The following GRID2IP variants were observed in gnomAD, a reference collection of about 807,000 sequenced individuals.
The protein encoded by GRID2IP is delphilin.
In GRID2IP, 78 loss-of-function variants were observed where a neutral mutation model predicts 114.3. That is an observed-to-expected ratio of 0.68 (90% CI 0.57 to 0.82). The LOEUF (loss-of-function observed/expected upper bound fraction) is 0.82. Among genes scored for constraint, GRID2IP ranks in the 40% least tolerant of loss-of-function variants. The pLI, the probability that GRID2IP is intolerant of heterozygous loss-of-function variation, is 0.00. For missense variants in GRID2IP, 1,727 were observed against 1,678.5 expected (o/e 1.03, Z -0.51); for synonymous variants, 809 against 724.0 (o/e 1.12, Z -1.89).
At chr7:6,542,415 A>G (rs1458075188) in intron 1 of GRID2IP, among the ~76,000 whole-genome samples, 1 of 151,604 alleles carries the variant, frequency 6.6e-6, no homozygotes, top group Non-Finnish European at 1.5e-5. Context: ...GTGCTTAGGG[A>G]GATCGAGGCA....
chr7:6,501,340 G>A (rs1321471152), intron 20 of GRID2IP, among the ~76,000 whole-genome samples: 1 of 151,922 alleles, frequency 6.6e-6, no homozygotes, highest in East Asian at 1.9e-4. Context: ...AACAGAGCAA[G>A]GCTCTGTCTC....
chr7:6,510,292 C>T lies in GRID2IP; in HGVS notation c.1762G>A (p.Val588Ile). 6.5e-7 allele frequency: 1 copy of T among 1,542,708 alleles called. No individual in the cohort carries two copies. Among genetic ancestry groups the T allele is most frequent in the Non-Finnish European group, 8.8e-7 (1 of 1,142,748 alleles). ...RASPPGPSPA[V>I]TTGPRTLSGV... ...GAGGCTGGAGCCCTACCTGTGGTGA[C>T]TGCTGGGCTGGGGCCTGGAGGGGAA... Residue 588 changes from valine to isoleucine, a missense_variant, in exon 11 of 22, where the codon GTC becomes ATC. Physicochemically the swap from Val to Ile is conservative, Grantham distance 29. Transcript: ENST00000457091.
chr7:6,503,497 G>A lies in GRID2IP; in HGVS notation c.2901C>T (p.Val967=). The part of the protein sequence containing the change: ...PGRLSEPDQF[V]LQMLSVPEYK... ...GGGGTTGTGGTCGCGGCACCTGCAG[G>A]ACGAACTGGTCCGGCTCGCTGAGGC... Residue 967 remains valine, a synonymous_variant, in exon 16 of 22, where the codon GTC becomes GTT. Coordinates refer to ENST00000457091, the MANE Select transcript of GRID2IP (RefSeq NM_001145118.2). The A allele has an allele frequency of 6.6e-7, 1 of 1,524,450 alleles. No homozygotes were observed. 94.4% of individuals were successfully genotyped at this position (1,524,450 alleles called of 1,614,324 possible). A position where few individuals can be genotyped will look rare whatever the true frequency, so the allele number is the denominator to read the frequency against.
rs761082978 is a variant in GRID2IP, at chr7:6,509,055, C to G, written c.2030G>C (p.Arg677Pro). The stretch of plus-strand genomic sequence containing the variant: ...CACGTCCAGGAAGCGGTCAGTATCG[C>G]GGCTTCGCACAGGGTGGGAGAAGGT... ...LFTFSHPVRS[R>P]DTDRFLDVLS... The change falls in exon 12 of 22, where the codon CGC (arginine) becomes CCC (proline). Residue 677 changes from arginine to proline, a missense_variant. Transcript: ENST00000457091. This position sits in a 1 kb window ranked among gnomAD's most constrained non-coding sequence, Gnocchi z 4.9. The G allele has an allele frequency of 7.6e-7, 1 of 1,318,498 alleles. No homozygotes were observed. Among genetic ancestry groups the G allele is most frequent in the East Asian group, 5.0e-5 (1 of 20,132 alleles). 81.7% of individuals were successfully genotyped at this position (1,318,498 alleles called of 1,614,324 possible).
At chr7:6,504,594 C>G (rs1786521026) in intron 15 of GRID2IP, among the ~76,000 whole-genome samples, 199 bp downstream of exon 15, 1 of 152,030 alleles carries the variant, frequency 6.6e-6, no homozygotes, top group South Asian at 2.1e-4. Context: ...GTTGATTAGA[C>G]AGTGAGGGTG....
chr7:6,524,269 A>G (rs1257605333), intron 4 of GRID2IP, among the ~76,000 whole-genome samples: 5 of 152,166 alleles, frequency 3.3e-5, no homozygotes, highest in Non-Finnish European at 7.4e-5. Context: ...AGATCCATAC[A>G]CTGGAGATGT....
rs909673346 is a variant in GRID2IP at position 6,521,511 on chromosome 7, G to A, written c.1002C>T (p.His334=). ...CCTGCAGCATGGACACCACCTTGTC[G>A]TGGGAGCAGTTCCTGCCAAGCAGAG... ...LNGLDMRNCS[H]DKVVSMLQGS... Residue 334 remains histidine (H), a synonymous_variant, in exon 6 of 22, where the codon CAC becomes CAT. Transcript: ENST00000457091. The surrounding 1 kb of genome is among the most constrained non-coding windows in gnomAD (Gnocchi z 4.1). The A allele has an allele frequency of 8.4e-6, 13 of 1,546,888 alleles. No homozygotes were observed. The highest frequency in any genetic ancestry group is 2.4e-5 in the East Asian group (1 of 40,834).
In GRID2IP at chr7:6,508,233, C is replaced by T. The variant is rs1190783561; in HGVS notation, c.2296G>A (p.Asp766Asn). Residue 766 changes from aspartate (D) to asparagine (N), a missense_variant, in exon 13 of 22, where the codon GAC becomes AAC. By Grantham distance (23) the Asp-to-Asn change is conservative. Transcript: ENST00000457091. The surrounding 1 kb of genome is among the most constrained non-coding windows in gnomAD (Gnocchi z 5.6). ...PPPPPPLPFH[D>N]AKPSSRSSDG... Reference sequence around the variant, plus strand: ...GAGCTGCGGGAGCTGGGCTTAGCGTCATGGAAAGGCAGGGGTGGCGGTGGT... The same window carrying T: ...GAGCTGCGGGAGCTGGGCTTAGCGTTATGGAAAGGCAGGGGTGGCGGTGGT... 1 of 1,407,718 alleles carries T rather than the reference C, an allele frequency of 7.1e-7. No individual in the cohort carries two copies. The highest frequency in any genetic ancestry group is 2.9e-5 in the East Asian group (1 of 34,278). 87.2% of individuals were successfully genotyped at this position (1,407,718 alleles called of 1,614,324 possible).
chr7:6,516,685 G>A lies in GRID2IP; in HGVS notation c.1269-2156C>T, dbSNP rs1002972900. Among the ~76,000 whole-genome samples the A allele has an allele frequency of 2.0e-5, 3 of 152,232 alleles. No individual in the cohort carries two copies. The highest frequency in any genetic ancestry group is 2.9e-5 in the Non-Finnish European group (2 of 68,040). ...GTCCCTGTGATGCTGTGCTTCAGTG[G>A]TCACGCTCCTGGTCCGCATTCATGT... On this transcript the variant is annotated intron_variant, in intron 7 of 21. Transcript: ENST00000457091. This position sits in a 1 kb window ranked among gnomAD's most constrained non-coding sequence, Gnocchi z 4.3.
chr7:6,526,333 C>T lies in GRID2IP; in HGVS notation c.834-24G>A, dbSNP rs762049727. The T allele has an allele frequency of 6.5e-7, 1 of 1,547,392 alleles. No homozygotes were observed. The highest frequency in any genetic ancestry group is 1.2e-5 in the South Asian group (1 of 83,958). On this transcript the variant is annotated intron_variant, in intron 3 of 21. Transcript: ENST00000457091. This position sits in a 1 kb window ranked among gnomAD's most constrained non-coding sequence, Gnocchi z 7.6. Reference sequence around the variant, plus strand: ...TCCTGGGGGAAAAAGAAGGGGCGAGCAGCATGATGGAGAGGGGGCCCTGGG... The same window carrying T: ...TCCTGGGGGAAAAAGAAGGGGCGAGTAGCATGATGGAGAGGGGGCCCTGGG...
rs572705813 is a variant in GRID2IP, at chr7:6,539,711, G to A, written c.584+7C>T. The A allele has an allele frequency of 1.1e-3, 1,650 of 1,542,686 alleles. 5 individuals are homozygous for A. Among genetic ancestry groups the A allele is most frequent in the Non-Finnish European group, 1.3e-3 (1,490 of 1,142,934 alleles). On this transcript the variant is annotated splice_region_variant and intron_variant, in intron 2 of 21. Coordinates refer to ENST00000457091, the MANE Select transcript of GRID2IP (RefSeq NM_001145118.2). ...TGCCTGTCTATCCTGCCCCCTGCCC[G>A]CAGTACCTGAGGTTGTCCAGGAGTG... is the stretch of plus-strand genomic sequence containing the variant.
chr7:6,519,738 C>A lies in GRID2IP; in HGVS notation c.1268+840G>T, dbSNP rs577321404. Among the ~76,000 whole-genome samples, 101 of 152,060 alleles carry A rather than the reference C, an allele frequency of 6.6e-4. No individual in the cohort carries two copies. The highest frequency in any genetic ancestry group is 1.8e-3 in the Admixed American group (28 of 15,272). The stretch of plus-strand genomic sequence containing the variant: ...CACCACTGCACTCCAGCCTGGGCAA[C>A]GAGAGTGAAACACCATCTCAAAAAA... On this transcript the variant is annotated intron_variant, in intron 7 of 21. Transcript: ENST00000457091. The surrounding 1 kb of genome is among the most constrained non-coding windows in gnomAD (Gnocchi z 4.1).
rs1485534098 is a variant in GRID2IP at position 6,551,058 on chromosome 7, C to T, written c.379G>A (p.Asp127Asn). 15 of 1,315,138 alleles carry T rather than the reference C, an allele frequency of 1.1e-5. No homozygotes were observed. The East Asian group carries it at 3.8e-4, about 33-fold the overall frequency. The allele number at this position is 1,315,138 out of a possible 1,614,324, so 81.5% of individuals were successfully genotyped here. A position where few individuals can be genotyped will look rare whatever the true frequency, so the allele number is the denominator to read the frequency against. The change falls in exon 1 of 22, where the codon GAC becomes AAC. Residue 127 changes from aspartate to asparagine, a missense_variant. By Grantham distance (23) the Asp-to-Asn change is conservative (BLOSUM62 1). Coordinates refer to ENST00000457091, the MANE Select transcript of GRID2IP (RefSeq NM_001145118.2). ...LLRLAGRKRP[D>N]AVHRERRRKA... ...CGCCTGCGCTCTCGGTGCACCGCGT[C>T]CGGGCGCTTGCGGCCGGCCAGGCGA...
intron 1 of GRID2IP, among the ~76,000 whole-genome samples, chr7:6,547,470 C>G (rs1779904633): frequency 6.6e-6 from 1 of 151,916 alleles, no homozygotes; most frequent in South Asian, 2.1e-4. Flanking sequence ...ATCACTTGAG[C>G]CCAGGAGTTG....
intron 4 of GRID2IP, among the ~76,000 whole-genome samples, chr7:6,524,099 T>C (rs1562519912): frequency 6.6e-6 from 1 of 152,206 alleles, no homozygotes; most frequent in African/African-American, 2.4e-5. Flanking sequence ...GTAAGGATGA[T>C]GCACTGACAC....
rs1364760581 is a variant in GRID2IP at position 6,521,471 on chromosome 7, G to T, written c.1042C>A (p.Pro348Thr). The change falls in exon 6 of 22, where the codon CCC becomes ACC. Residue 348 changes from proline to threonine, a missense_variant. Pro to Thr is a conservative substitution (Grantham distance 38). Transcript: ENST00000457091. The surrounding 1 kb of genome is among the most constrained non-coding windows in gnomAD (Gnocchi z 4.1). ...AGCCCTTCCTCCACCACCAGCGTGG[G>T]CATGGCACCACTGCCCTGCAGCATG... ...VSMLQGSGAM[P>T]TLVVEEGLVP... 1 of 1,549,638 alleles carries T rather than the reference G, an allele frequency of 6.5e-7. No individual in the cohort carries two copies. Among genetic ancestry groups the T allele is most frequent in the East Asian group, 2.4e-5 (1 of 40,824 alleles).
At chr7:6,515,674 A>G (rs1779281259) in intron 7 of GRID2IP, among the ~76,000 whole-genome samples, 1 of 151,888 alleles carries the variant, frequency 6.6e-6, no homozygotes, top group South Asian at 2.1e-4. Flanking sequence ...GCTACTCAGG[A>G]GGCTGAGGCA....
intron 17 of GRID2IP, 29 bp downstream of exon 17, chr7:6,502,979 A>T: frequency 6.4e-7 from 1 of 1,551,170 alleles, no homozygotes; most frequent in Non-Finnish European, 8.7e-7. Flanking sequence ...AGAAGCAGAT[A>T]GGGTGCCAGG....
chr7:6,543,116 C>T (rs571816968), intron 1 of GRID2IP, among the ~76,000 whole-genome samples: 8 of 152,240 alleles, frequency 5.3e-5, no homozygotes, highest in African/African-American at 1.4e-4. Flanking sequence ...CACTTCCGGC[C>T]GGGTGCGGTG....
Sources: gnomAD v4.1 joint callset for allele counts (sites outside exome capture counted in the v4.1 genomes callset) on GRCh38, gnomAD v4.1.1 for gene constraint, Gnocchi (gnomAD v3.1) non-coding constraint, MANE v1.5 for transcripts, NCBI Gene and HGNC (gene_info 2026-07-23, HGNC 2026-07-21) for gene names.